CCDC158: variants seen among roughly 807,000 people sequenced by gnomAD.
The protein encoded by CCDC158 is coiled-coil domain-containing protein 158.
CCDC158 carries 116 observed loss-of-function variants against 138.6 expected under a neutral mutation model. The ratio of observed to expected loss-of-function variants is 0.84; its 90% CI spans 0.72 to 0.98. The LOEUF (loss-of-function observed/expected upper bound fraction) is 0.98, where lower values mean the gene tolerates loss of function less well. CCDC158 is among the 50% of genes least tolerant of loss of function. CCDC158 has a pLI of 0.00. For synonymous variants in CCDC158, 436 were observed against 442.4 expected, an observed-to-expected ratio of 0.99 and a Z score of 0.18; for missense variants, 1,265 against 1,306.1, an observed-to-expected ratio of 0.97 and a Z score of 0.48.
chr4:76,369,671 A>G, intron 10 of CCDC158, 48 bp from the exon 11 acceptor site: 1 of 1,497,480 alleles, frequency 6.7e-7, no homozygotes, highest in Non-Finnish European at 9.2e-7. Context: ...TTAAATAATT[A>G]AGATAAAACA....
At chr4:76,345,363 C>T (rs575351404) in intron 18 of CCDC158, 23 of 1,088,476 alleles carry the variant, frequency 2.1e-5, no homozygotes, top group African/African-American at 6.2e-5. Context: ...GGATAAGGCC[C>T]GGTTAAAGAG....
At chr4:76,409,785 C>T (rs1372996805) in intron 2 of CCDC158, among the ~76,000 whole-genome samples, 1 of 151,946 alleles carries the variant, frequency 6.6e-6, no homozygotes, top group Non-Finnish European at 1.5e-5. Flanking sequence ...GAGCGGAGAT[C>T]ACGCCACTGC....
At position 76,382,705 on chromosome 4, in the gene CCDC158, T is replaced by G. The variant is rs1432675986; in HGVS notation, c.819A>C (p.Ile273=). The G allele has an allele frequency of 1.2e-6, 2 of 1,609,602 alleles. No individual in the cohort carries two copies. The stretch of plus-strand genomic sequence containing the variant: ...CTGTTATTTCAACTTCATGTTCACT[T>G]ATTAACTGCTCAATCCTATAAAAAG... ...QQHQDRIEQL[I]SEHEVEITGL... is the part of the protein sequence containing the mutation. The change falls in exon 8 of 25, where the codon ATA becomes ATC. Residue 273 remains isoleucine, a synonymous_variant. Transcript: ENST00000682701.
intron 15 of CCDC158, among the ~76,000 whole-genome samples, chr4:76,354,233 C>CAAAAAA (rs749565764): frequency 1.1e-3 from 70 of 63,886 alleles, no homozygotes; most frequent in Admixed American, 1.5e-3. Flanking sequence ...TTCCCAAAGG[C>CAAAAAA]AAAAAAAAAA....
At chr4:76,378,423 T>C (rs769218299) in intron 9 of CCDC158, among the ~76,000 whole-genome samples, 2 of 152,202 alleles carry the variant, frequency 1.3e-5, no homozygotes, top group African/African-American at 2.4e-5. Context: ...CAGAACTGTA[T>C]GTAAATTGTT....
chr4:76,342,376 T>C (rs531088404), intron 18 of CCDC158, among the ~76,000 whole-genome samples: 1 of 152,260 alleles, frequency 6.6e-6, no homozygotes, highest in South Asian at 2.1e-4. Flanking sequence ...CATGTGTAAG[T>C]CACTTAGCTT....
chr4:76,346,159 A>C (rs1180277184), intron 18 of CCDC158, among the ~76,000 whole-genome samples: 2 of 152,256 alleles, frequency 1.3e-5, no homozygotes, highest in African/African-American at 4.8e-5. Flanking sequence ...CTAATTTAAT[A>C]AATGGTGTTG....
At chr4:76,406,347 C>T (rs754570616) in intron 2 of CCDC158, among the ~76,000 whole-genome samples, 6 of 152,038 alleles carry the variant, frequency 3.9e-5, no homozygotes, top group Admixed American at 6.6e-5. Context: ...ACAGAAGATA[C>T]GGTAAGAACT....
rs183569237 is a variant in CCDC158 at position 76,374,819 on chromosome 4, C to T, written c.1030-3283G>A. Among the ~76,000 whole-genome samples the T allele has an allele frequency of 2.8e-3, 419 of 150,688 alleles. 2 individuals are homozygous for T. Among genetic ancestry groups the T allele is most frequent in the African/African-American group, 9.3e-3 (380 of 41,022 alleles). ...TCTGCTTTCACTTAAAAAAAAAAAA[C>T]TTCTGGATAATCATTTCATAACATC... is the stretch of plus-strand genomic sequence containing the variant. On this transcript the variant is annotated intron_variant, in intron 9 of 24. Transcript: ENST00000682701.
chr4:76,367,597 C>G lies in CCDC158; in HGVS notation c.1527G>C (p.Glu509Asp). The stretch of plus-strand genomic sequence containing the variant: ...CTGCATTGGTAGCCTCGATGGCTCT[C>G]TCTTTTTCCTGGAGAGAAGTTGTCA... Reference protein sequence around the residue: ...SDLTTSLQEKERAIEATNAEI... With the variant: ...SDLTTSLQEKDRAIEATNAEI... The change falls in exon 12 of 25, where the codon GAG (glutamate) becomes GAC (aspartate). Residue 509 changes from glutamate (E) to aspartate (D), a missense_variant. By Grantham distance (45) the Glu-to-Asp change is conservative (BLOSUM62 2). Transcript: ENST00000682701. 1 of 1,614,230 alleles carries G rather than the reference C, an allele frequency of 6.2e-7. No homozygotes were observed. The highest frequency in any genetic ancestry group is 1.3e-5 in the African/African-American group (1 of 75,054).
intron 21 of CCDC158, 151 bp from the exon 22 acceptor site, chr4:76,329,118 A>G (rs1448232987): frequency 1.8e-5 from 11 of 611,954 alleles, no homozygotes; most frequent in Admixed American, 8.1e-5. Context: ...AAAATACTCT[A>G]AGAGGTAGGT....
At chr4:76,395,476 C>T (rs374713114) in intron 4 of CCDC158, among the ~76,000 whole-genome samples, 21 of 152,104 alleles carry the variant, frequency 1.4e-4, no homozygotes, top group African/African-American at 5.1e-4. Flanking sequence ...GGAGAGCACA[C>T]CTAATGTCAT....
rs776740229 is a variant in CCDC158 at position 76,371,981 on chromosome 4, GT to G, written c.1030-446del. 3.2e-3 allele frequency among the ~76,000 whole-genome samples: 450 copies of G among 139,726 alleles called. 4 individuals carry two copies. Among genetic ancestry groups the G allele is most frequent in the African/African-American group, 9.3e-3 (354 of 38,250 alleles). 91.7% of individuals were successfully genotyped at this position (139,726 alleles called of 152,430 possible). On this transcript the variant is annotated intron_variant, in intron 9 of 24. Coordinates refer to ENST00000682701, the MANE Select transcript of CCDC158 (RefSeq NM_001394954.1). ...AGTGTATTGTGATGTGTCTTGTAAA[GT>G]TTTTTTTTTTTTTAAAGAAAATCTA...
intron 2 of CCDC158, among the ~76,000 whole-genome samples, chr4:76,410,879 T>C (rs1199258647): frequency 2.0e-5 from 3 of 152,256 alleles, no homozygotes; most frequent in African/African-American, 7.2e-5. Context: ...AGCTCTGTGA[T>C]CTACTAGCTG....
At chr4:76,417,735 G>C (rs1260998847) in intron 1 of CCDC158, among the ~76,000 whole-genome samples, 1 of 152,118 alleles carries the variant, frequency 6.6e-6, no homozygotes, top group Non-Finnish European at 1.5e-5. Context: ...CTCTAGTTAG[G>C]GTAGGTGAGG....
rs1222535682 is a variant in CCDC158, at chr4:76,367,479, C to A, written c.1645G>T (p.Glu549Ter). 6.2e-7 allele frequency: 1 copy of A among 1,614,246 alleles called. No homozygotes were observed. The highest frequency in any genetic ancestry group is 1.7e-5 in the Admixed American group (1 of 60,028). The change falls in exon 12 of 25, where the codon GAA (glutamate) becomes TAA (stop). Residue 549 changes from glutamate (E) to a stop codon, truncating the protein, a stop_gained. Coordinates refer to ENST00000682701, the MANE Select transcript of CCDC158 (RefSeq NM_001394954.1). LOFTEE classifies it high-confidence loss of function. ...EGDHLRNVQT[E>*]CEALKLQMTE... The stretch of plus-strand genomic sequence containing the variant: ...ATCTGCAGTTTGAGGGCCTCACATT[C>A]TGTCTGCACATTTCTGAGATGATCC...
In CCDC158 at chr4:76,383,674, T is replaced by C. The variant is rs200950780; in HGVS notation, c.791A>G (p.Gln264Arg). 4.3e-6 allele frequency: 7 copies of C among 1,612,292 alleles called. No homozygotes were observed. The East Asian group carries it at 1.6e-4, about 36-fold the overall frequency. The change falls in exon 7 of 25, where the codon CAA (glutamine) becomes CGA (arginine). Residue 264 changes from glutamine to arginine, a missense_variant. By Grantham distance (43) the Gln-to-Arg change is conservative. Transcript: ENST00000682701. ...SQNKIELLLQ[Q>R]HQDRIEQLIS... The stretch of plus-strand genomic sequence containing the variant: ...GTCAGAAACCTACCTATCTTGGTGT[T>C]GTTGCAGAAGTAGTTCTATTTTGTT...
At chr4:76,408,132 G>A (rs1430671094) in intron 2 of CCDC158, among the ~76,000 whole-genome samples, 1 of 150,724 alleles carries the variant, frequency 6.6e-6, no homozygotes, top group Non-Finnish European at 1.5e-5. Context: ...CCCATAAGCA[G>A]TGTGCCCAGA....
In CCDC158 at chr4:76,332,485, A is replaced by G. The variant is rs1158491946; in HGVS notation, c.2829T>C (p.Asp943=). The change falls in exon 20 of 25, where the codon GAT becomes GAC. Residue 943 remains aspartate, a synonymous_variant. Coordinates refer to ENST00000682701, the MANE Select transcript of CCDC158 (RefSeq NM_001394954.1). ...ATTCAGTAATGCAATCTCTTACCCT[A>G]TCCTCTCTGTATAGAAAATATAACT... ...SLGALYVAVE[D]RVRDCITESS... is the part of the protein sequence containing the mutation. 2.5e-6 allele frequency: 4 copies of G among 1,605,136 alleles called. No homozygotes were observed. The highest frequency in any genetic ancestry group is 3.4e-6 in the Non-Finnish European group (4 of 1,174,528).
Sources: gnomAD v4.1 joint callset for allele counts (sites outside exome capture counted in the v4.1 genomes callset) on GRCh38, gnomAD v4.1.1 for gene constraint, MANE v1.5 for transcripts, NCBI Gene and HGNC (gene_info 2026-07-23, HGNC 2026-07-21) for gene names.